The following PLAC1 variants were observed in gnomAD, a reference collection of about 807,000 sequenced individuals.
PLAC1 encodes the protein placenta-specific protein 1.
For synonymous variants in PLAC1, 68 were observed against 62.1 expected, an observed-to-expected ratio of 1.09 and a Z score of -0.44; for missense variants, 136 against 163.2, an observed-to-expected ratio of 0.83 and a Z score of 0.91.
chrX:134,705,080 A>G (rs2147830217), intron 2 of PLAC1, among the ~76,000 whole-genome samples: 1 of 103,245 alleles, frequency 9.7e-6, no homozygotes, highest in Non-Finnish European at 1.9e-5. Flanking sequence ...ATATTAGAAA[A>G]AGGAAAAAAT....
chrX:134,748,407 G>A (rs1161191127), intron 1 of PLAC1, among the ~76,000 whole-genome samples: 4 of 109,688 alleles, frequency 3.6e-5, no homozygotes, highest in Non-Finnish European at 7.6e-5. Flanking sequence ...AATTGTTCTC[G>A]AATTGCTTTA....
At chrX:134,747,075 T>C (rs1421556051) in intron 1 of PLAC1, among the ~76,000 whole-genome samples, 1 of 112,103 alleles carries the variant, frequency 8.9e-6, no homozygotes, top group Non-Finnish European at 1.9e-5. Context: ...CACAGAGGAC[T>C]TTAACCTTAG....
chrX:134,725,244 T>C (rs2078670380), intron 2 of PLAC1, among the ~76,000 whole-genome samples: 1 of 111,456 alleles, frequency 9.0e-6, no homozygotes, highest in Non-Finnish European at 1.9e-5. Context: ...TGACCAACCA[T>C]TTTTATATGG....
chrX:134,679,438 C>A (rs1047302147), intron 2 of PLAC1, among the ~76,000 whole-genome samples: 1 of 110,918 alleles, frequency 9.0e-6, no homozygotes, highest in Non-Finnish European at 1.9e-5. Context: ...GAAAAGAACT[C>A]TGAGGAGCAA....
chrX:134,698,301 A>G (rs1187121879), intron 2 of PLAC1, among the ~76,000 whole-genome samples: 1 of 110,322 alleles, frequency 9.1e-6, no homozygotes, highest in Non-Finnish European at 1.9e-5. Context: ...AAAATACCAA[A>G]AATTAGCCGG....
intron 1 of PLAC1, among the ~76,000 whole-genome samples, chrX:134,613,850 C>T (rs927951977): frequency 1.3e-4 from 14 of 110,970 alleles, no homozygotes; most frequent in African/African-American, 4.6e-4. Context: ...CTTTTCTTGC[C>T]GCTCTGTTGC....
At chrX:134,611,449 G>A (rs188813144) in intron 1 of PLAC1, among the ~76,000 whole-genome samples, 43 of 106,877 alleles carry the variant, frequency 4.0e-4, no homozygotes, top group African/African-American at 1.5e-3. Flanking sequence ...GAGTGCCTTA[G>A]TTTCTTTATC....
rs779894787 is a variant in PLAC1, at chrX:134,725,858, G to A, written n.174+7577C>T. Among the ~76,000 whole-genome samples the A allele has an allele frequency of 3.1e-3, 349 of 111,531 alleles. 1 individual carries two copies. The highest frequency in any genetic ancestry group is 0.011 in the African/African-American group (334 of 30,683). The stretch of plus-strand genomic sequence containing the variant: ...CTAAAAATACAAAAATTAACCAGGT[G>A]TGGTGGCGGGTGCCTATAATCCCCA... On this transcript the variant is annotated intron_variant and non_coding_transcript_variant, in intron 2 of 2. Coordinates refer to the PLAC1 transcript ENST00000466797.
chrX:134,573,091 G>A (rs1229206647), intron 2 of PLAC1, among the ~76,000 whole-genome samples: 2 of 111,397 alleles, frequency 1.8e-5, no homozygotes, highest in Admixed American at 1.9e-4. Context: ...TACACAACAA[G>A]GGTAAACCAT....
intron 2 of PLAC1, among the ~76,000 whole-genome samples, chrX:134,696,888 C>T (rs957781793): frequency 2.7e-5 from 3 of 109,459 alleles, no homozygotes; most frequent in African/African-American, 1.0e-4. Flanking sequence ...AAAAATTAGC[C>T]GGGCGGGGTG....
chrX:134,751,318 G>C (rs1470303278), intron 1 of PLAC1, among the ~76,000 whole-genome samples: 1 of 108,747 alleles, frequency 9.2e-6, no homozygotes, highest in African/African-American at 3.4e-5. Flanking sequence ...TGCTCACCAG[G>C]GACCTCTGAT....
In PLAC1 at chrX:134,655,006, CTATTTATTAACAGAATT is replaced by C. The variant is rs1457829652; in HGVS notation, c.-131+3305_-131+3321del. Among the ~76,000 whole-genome samples the C allele has an allele frequency of 2.7e-5, 3 of 111,714 alleles. No homozygotes were observed. The East Asian group carries it at 8.4e-4, about 31-fold the overall frequency. ...AAAAAGATGCATAGCATGAACCTAT[CTATTTATTAACAGAATT>C]TACAAACACATACATAGGCTTGTAA... On this transcript the variant is annotated intron_variant, in intron 1 of 2. Transcript: ENST00000359237.
chrX:134,749,447 T>C (rs138091957), intron 1 of PLAC1, among the ~76,000 whole-genome samples: 1 of 111,819 alleles, frequency 8.9e-6, no homozygotes, highest in African/African-American at 3.2e-5. Context: ...GTGAGACATG[T>C]TCAGGCCACC....
Position 134,566,941 on chromosome X carries a change from C to T in PLAC1, c.-58-201G>A, listed in dbSNP as rs189498814. Among the ~76,000 whole-genome samples, 392 of 112,295 alleles carry T rather than the reference C, an allele frequency of 3.5e-3. 3 individuals are homozygous for T. Among genetic ancestry groups the T allele is most frequent in the Non-Finnish European group, 5.4e-3 (285 of 53,255 alleles). ...ACAATGGCTTTTTAAAGTGACTTTC[C>T]CATGCTGTTCTAGCATAAAACACAT... On this transcript the variant is annotated intron_variant, in intron 2 of 2. Coordinates refer to ENST00000359237, the MANE Select transcript of PLAC1 (RefSeq NM_021796.4).
At chrX:134,685,655 A>G (rs1490998526) in intron 2 of PLAC1, among the ~76,000 whole-genome samples, 1 of 110,432 alleles carries the variant, frequency 9.1e-6, no homozygotes, top group Non-Finnish European at 1.9e-5. Flanking sequence ...CTCTATGTAC[A>G]TCTTCTTTAA....
At position 134,566,691 on chromosome X, in the gene PLAC1, C is replaced by T. The variant is rs769951052; in HGVS notation, c.-9G>A. ...AACTTAAAAACTTTCATCCCTGCAG[C>T]CAATCAGATAATGAACCACAGGAAA... is the stretch of plus-strand genomic sequence containing the variant. On this transcript the variant is annotated 5_prime_UTR_variant, in exon 3 of 3. Transcript: ENST00000359237. 5 of 1,169,643 alleles carry T rather than the reference C, an allele frequency of 4.3e-6. No homozygotes were observed. Among genetic ancestry groups the T allele is most frequent in the Non-Finnish European group, 5.7e-6 (5 of 870,335 alleles).
At chrX:134,715,004 A>G (rs1370069458) in intron 2 of PLAC1, among the ~76,000 whole-genome samples, 3 of 111,592 alleles carry the variant, frequency 2.7e-5, no homozygotes, top group Non-Finnish European at 3.8e-5. Context: ...GAGGTATCCC[A>G]TCCCCCTCTC....
chrX:134,663,886 G>A (rs1417631159), intron 2 of PLAC1, among the ~76,000 whole-genome samples: 1 of 111,058 alleles, frequency 9.0e-6, no homozygotes, highest in African/African-American at 3.3e-5. Flanking sequence ...TCTTTTTGTT[G>A]AGGGAACATT....
intron 1 of PLAC1, among the ~76,000 whole-genome samples, chrX:134,631,087 C>T (rs1467689581): frequency 9.0e-6 from 1 of 111,556 alleles, no homozygotes; most frequent in East Asian, 2.8e-4. Context: ...GAAATGAGTG[C>T]TTAACAGGTA....
Sources: gnomAD v4.1 joint callset for allele counts (sites outside exome capture counted in the v4.1 genomes callset) on GRCh38, gnomAD v4.1.1 for gene constraint, MANE v1.5 for transcripts, NCBI Gene and HGNC (gene_info 2026-07-23, HGNC 2026-07-21) for gene names.